The following RBBP5 variants were observed in gnomAD, a reference collection of about 807,000 sequenced individuals.
RBBP5 encodes retinoblastoma-binding protein 5.
In RBBP5, 5 loss-of-function variants were observed where a neutral mutation model predicts 72.2. That is an observed-to-expected ratio of 0.07 (90% confidence interval 0.04 to 0.15). The LOEUF (loss-of-function observed/expected upper bound fraction) is 0.15, where lower values mean the gene tolerates loss of function less well. RBBP5 is among the 10% of genes least tolerant of loss of function. The probability of loss-of-function intolerance (pLI) is 1.00; values close to 1 mark genes in which losing one functional copy is unlikely to be tolerated. For missense variants in RBBP5, 322 were observed against 652.2 expected, an observed-to-expected ratio of 0.49 and a Z score of 5.51; for synonymous variants, 209 against 237.2, an observed-to-expected ratio of 0.88 and a Z score of 1.09.
chr1:205,096,332 G>A (rs1655616467), intron 12 of RBBP5, among the ~76,000 whole-genome samples: 1 of 152,140 alleles, frequency 6.6e-6, no homozygotes, highest in East Asian at 1.9e-4. Context: ...ACTCTAAAAG[G>A]TGGCAGGAAG....
At chr1:205,112,370 T>G (rs533422415) in intron 3 of RBBP5, among the ~76,000 whole-genome samples, 1 of 152,286 alleles carries the variant, frequency 6.6e-6, no homozygotes, top group East Asian at 1.9e-4. Flanking sequence ...TGACGGCTTT[T>G]CTGACCGTTA....
Position 205,105,117 on chromosome 1 carries a change from C to T in RBBP5, c.270G>A (p.Val90=), listed in dbSNP as rs141195486. 7.4e-5 allele frequency: 119 copies of T among 1,613,610 alleles called. No individual in the cohort carries two copies. The highest frequency in any genetic ancestry group is 1.4e-5 in the Non-Finnish European group (17 of 1,179,930). The change falls in exon 4 of 14, where the codon GTG becomes GTA. Residue 90 remains valine (V), a synonymous_variant. Transcript: ENST00000264515. The part of the protein sequence containing the change: ...KLVSASTDNI[V]SQWDVLSGDC... ...CGCCTGAAAGAACATCCCACTGTGACACTATGTTATCAGTGGAAGCACTCA... is the reference window on the plus strand; with the variant it reads ...CGCCTGAAAGAACATCCCACTGTGATACTATGTTATCAGTGGAAGCACTCA...
At chr1:205,111,986 A>G (rs368825112) in intron 3 of RBBP5, among the ~76,000 whole-genome samples, 3 of 151,970 alleles carry the variant, frequency 2.0e-5, no homozygotes, top group African/African-American at 4.8e-5. Flanking sequence ...TGCTTGGAAT[A>G]TATCTGGCAA....
At position 205,087,552 on chromosome 1, in the gene RBBP5, T is replaced by TG. The variant is rs1158214565; in HGVS notation, c.*1234dup. ...TATTTAAATTCTCCTTTTAAAATATTGAAAAAAAAAAAAAAAAAAAAAAGA... is the reference window on the plus strand; with the variant it reads ...TATTTAAATTCTCCTTTTAAAATATTGGAAAAAAAAAAAAAAAAAAAAAAGA... On this transcript the variant is annotated 3_prime_UTR_variant, in exon 14 of 14. Transcript: ENST00000264515. The TG allele has an allele frequency of 3.4e-5, 3 of 88,876 alleles. No individual in the cohort carries two copies. Among genetic ancestry groups the TG allele is most frequent in the Non-Finnish European group, 6.4e-5 (3 of 46,888 alleles). The allele number at this position is 88,876 out of a possible 1,614,324, so 5.5% of individuals were successfully genotyped here. A position where few individuals can be genotyped will look rare whatever the true frequency, so the allele number is the denominator to read the frequency against.
intron 3 of RBBP5, among the ~76,000 whole-genome samples, chr1:205,112,140 A>G (rs1024675008): frequency 6.6e-6 from 1 of 152,132 alleles, no homozygotes; most frequent in African/African-American, 2.4e-5. Flanking sequence ...CAACATGGCA[A>G]AACACTGTCT....
intron 3 of RBBP5, among the ~76,000 whole-genome samples, chr1:205,111,261 G>A (rs1656304007): frequency 6.6e-6 from 1 of 152,120 alleles, no homozygotes; most frequent in Non-Finnish European, 1.5e-5. Flanking sequence ...GATGCTTATT[G>A]GGACATTTCC....
At chr1:205,093,521 TATATATATATATAC>T (rs1655475419) in intron 13 of RBBP5, among the ~76,000 whole-genome samples, 4 of 21,586 alleles carry the variant, frequency 1.9e-4, no homozygotes, top group African/African-American at 1.2e-3. Flanking sequence ...TATATATATA[TATATATATATATAC>T]ACACACACAC....
rs150162985 is a variant in RBBP5, at chr1:205,097,665, A to C, written c.1097-270T>G. ...GGAGACAGAGAGACAGTTTCAATTT[A>C]ATACAGTAATGGTATGTGTAACTTG... On this transcript the variant is annotated intron_variant, in intron 10 of 13. Coordinates refer to ENST00000264515, the MANE Select transcript of RBBP5 (RefSeq NM_005057.4). 3.1e-3 allele frequency among the ~76,000 whole-genome samples: 477 copies of C among 152,340 alleles called. 7 individuals are homozygous for C. Among genetic ancestry groups the C allele is most frequent in the African/African-American group, 0.011 (465 of 41,586 alleles).
chr1:205,116,020 T>C (rs1328947119), intron 1 of RBBP5, 137 bp from the exon 2 acceptor site: 2 of 1,568,488 alleles, frequency 1.3e-6, no homozygotes, highest in Non-Finnish European at 1.7e-6. Flanking sequence ...CATGAGGCCA[T>C]ACGGATTTTC....
intron 2 of RBBP5, among the ~76,000 whole-genome samples, chr1:205,115,560 C>T (rs978120487): frequency 3.3e-5 from 5 of 152,102 alleles, no homozygotes; most frequent in East Asian, 3.8e-4. Context: ...TTGATCAAAA[C>T]GAGAAAAGCA....
At position 205,121,910 on chromosome 1, in the gene RBBP5, A is replaced by T; in HGVS notation, c.-37T>A. On this transcript the variant is annotated 5_prime_UTR_variant, in exon 1 of 14. Coordinates refer to ENST00000264515, the MANE Select transcript of RBBP5 (RefSeq NM_005057.4). ...GTGGCCGCCCGGTCTCAGCTCCGGC[A>T]ACAACACCTTCTCCCCGGCCGGCTT... is the stretch of plus-strand genomic sequence containing the variant. 1 of 1,608,106 alleles carries T rather than the reference A, an allele frequency of 6.2e-7. No individual in the cohort carries two copies. Among genetic ancestry groups the T allele is most frequent in the Non-Finnish European group, 8.5e-7 (1 of 1,179,830 alleles).
At chr1:205,102,316 T>C (rs769803850) in intron 5 of RBBP5, among the ~76,000 whole-genome samples, 1 of 152,322 alleles carries the variant, frequency 6.6e-6, no homozygotes, top group East Asian at 1.9e-4. Flanking sequence ...TGGAGTATTA[T>C]TGAGCCTTGA....
chr1:205,114,222 G>T (rs1049859727), intron 3 of RBBP5, among the ~76,000 whole-genome samples: 11 of 152,070 alleles, frequency 7.2e-5, no homozygotes, highest in Non-Finnish European at 1.2e-4. Flanking sequence ...ATCTGATTAG[G>T]TCCTTTTGTT....
At position 205,086,301 on chromosome 1, in the gene RBBP5, ATC is replaced by A. The variant is rs1264462061; in HGVS notation, c.*2484_*2485del. The A allele has an allele frequency of 2.0e-5, 3 of 146,888 alleles. No individual in the cohort carries two copies. Among genetic ancestry groups the A allele is most frequent in the African/African-American group, 7.6e-5 (3 of 39,324 alleles). The allele number at this position is 146,888 out of a possible 1,614,324, so 9.1% of individuals were successfully genotyped here. On this transcript the variant is annotated 3_prime_UTR_variant, in exon 14 of 14. Transcript: ENST00000264515. The stretch of plus-strand genomic sequence containing the variant: ...ACCCAGGCTGGAGTGCAGTGGCGCA[ATC>A]TCAGCTCACTGCAACCTCTGCCTCC...
chr1:205,114,379 A>G (rs569789985), intron 3 of RBBP5, among the ~76,000 whole-genome samples: 2 of 152,370 alleles, frequency 1.3e-5, no homozygotes, highest in Non-Finnish European at 2.9e-5. Context: ...CTTAATAACT[A>G]TATTTCATTG....
intron 3 of RBBP5, among the ~76,000 whole-genome samples, chr1:205,105,851 G>A (rs963744357): frequency 2.6e-5 from 4 of 152,332 alleles, no homozygotes; most frequent in Middle Eastern, 6.8e-3. Flanking sequence ...AGCCCAGCAA[G>A]ACAGAAAACT....
chr1:205,097,567 G>A (rs1442105808), intron 10 of RBBP5, among the ~76,000 whole-genome samples, 172 bp from the exon 11 acceptor site: 1 of 152,152 alleles, frequency 6.6e-6, no homozygotes, highest in Non-Finnish European at 1.5e-5. Context: ...CCTATCCTAG[G>A]CACTGAAAAT....
intron 2 of RBBP5, 145 bp from the exon 3 acceptor site, chr1:205,115,106 C>A: frequency 1.3e-6 from 1 of 797,210 alleles, no homozygotes; most frequent in South Asian, 1.8e-5. Flanking sequence ...CTTCTTATAT[C>A]TATTAAAATA....
chr1:205,089,728 T>C (rs2151212393), intron 13 of RBBP5, among the ~76,000 whole-genome samples: 1 of 152,362 alleles, frequency 6.6e-6, no homozygotes, highest in Non-Finnish European at 1.5e-5. Context: ...TGTTATGCTG[T>C]TAAAAATCAA....
Sources: allele counts gnomAD v4.1 joint callset (sites outside exome capture counted in the v4.1 genomes callset), GRCh38; gene constraint gnomAD v4.1.1; transcripts MANE v1.5; gene names NCBI Gene and HGNC (gene_info 2026-07-23, HGNC 2026-07-21).